The following CDH13 variants were observed in gnomAD, a reference collection of about 807,000 sequenced individuals.
The protein encoded by CDH13 is cadherin-13.
CDH13 carries 24 observed loss-of-function variants against 63.8 expected under a neutral mutation model. The observed-to-expected ratio is 0.38, with a 90% CI of 0.27 to 0.53. CDH13 has a LOEUF of 0.53. CDH13 is among the 20% of genes least tolerant of loss of function. The pLI is 0.85. For missense variants in CDH13, 1,049 were observed against 903.1 expected, an observed-to-expected ratio of 1.16 and a Z score of -2.07; for synonymous variants, 503 against 355.3, an observed-to-expected ratio of 1.42 and a Z score of -4.67.
chr16:83,064,136 C>T (rs148422319), intron 3 of CDH13, among the ~76,000 whole-genome samples: 116 of 152,134 alleles, frequency 7.6e-4, no homozygotes, highest in African/African-American at 2.4e-3. Context: ...TTTGGGAGGC[C>T]GAGGTGGGCA....
intron 1 of CDH13, among the ~76,000 whole-genome samples, chr16:82,647,414 T>A (rs749645272): frequency 6.6e-6 from 1 of 152,126 alleles, no homozygotes; most frequent in Non-Finnish European, 1.5e-5. Flanking sequence ...TAAATTCTCT[T>A]GGGAGGTGGT....
chr16:83,228,392 AG>A (rs1449511254), intron 5 of CDH13, among the ~76,000 whole-genome samples: 1 of 152,144 alleles, frequency 6.6e-6, no homozygotes, highest in African/African-American at 2.4e-5. Flanking sequence ...AGTATTCATC[AG>A]GTTTGGATAG....
chr16:83,167,087 T>C (rs1421044211), intron 4 of CDH13, among the ~76,000 whole-genome samples: 1 of 152,108 alleles, frequency 6.6e-6, no homozygotes, highest in Admixed American at 6.6e-5. Context: ...GGTGTTTTAA[T>C]AATTCCACGA....
intron 3 of CDH13, among the ~76,000 whole-genome samples, chr16:83,087,072 A>C (rs949470032): frequency 1.3e-5 from 2 of 152,224 alleles, no homozygotes; most frequent in African/African-American, 4.8e-5. Context: ...GCCATTGGTA[A>C]AATTTAACTT....
chr16:83,512,527 G>A (rs2074596616), intron 7 of CDH13, among the ~76,000 whole-genome samples: 1 of 150,516 alleles, frequency 6.6e-6, no homozygotes, highest in Non-Finnish European at 1.5e-5. Flanking sequence ...AATTAGCCAG[G>A]TGTGGTGGCA....
At chr16:82,947,047 T>TGA (rs1555546752) in intron 2 of CDH13, among the ~76,000 whole-genome samples, 2 of 125,034 alleles carry the variant, frequency 1.6e-5, no homozygotes, top group Non-Finnish European at 3.5e-5. Flanking sequence ...TGTGTGTGTG[T>TGA]GATGTTGTAA....
At chr16:83,516,942 G>A (rs562664533) in intron 7 of CDH13, among the ~76,000 whole-genome samples, 4 of 152,290 alleles carry the variant, frequency 2.6e-5, no homozygotes, top group African/African-American at 9.6e-5. Flanking sequence ...ATAAAGTGGC[G>A]GGAGTGAGAG....
At chr16:83,326,536 C>A (rs963416914) in intron 5 of CDH13, among the ~76,000 whole-genome samples, 1 of 151,602 alleles carries the variant, frequency 6.6e-6, no homozygotes, top group Non-Finnish European at 1.5e-5. Flanking sequence ...ATAGTTCAAC[C>A]GAACAAAATT....
At chr16:83,546,879 C>T (rs952562700) in intron 7 of CDH13, among the ~76,000 whole-genome samples, 2 of 152,224 alleles carry the variant, frequency 1.3e-5, no homozygotes, top group African/African-American at 4.8e-5. Context: ...AGTCTCTTTG[C>T]ATCTGGCACA....
chr16:83,482,871 G>A (rs35874652), intron 6 of CDH13, among the ~76,000 whole-genome samples: 15,286 of 152,238 alleles, frequency 0.1, 856 homozygotes, highest in Non-Finnish European at 0.13. Context: ...GCGACCCTTT[G>A]TCCCACATTC....
intron 10 of CDH13, among the ~76,000 whole-genome samples, chr16:83,713,437 G>A (rs1420089320): frequency 1.3e-5 from 2 of 151,992 alleles, no homozygotes. Flanking sequence ...GTTGGGGAGG[G>A]AGGGAGATTT....
intron 8 of CDH13, among the ~76,000 whole-genome samples, chr16:83,646,724 C>A (rs1295701572): frequency 7.0e-6 from 1 of 142,956 alleles, no homozygotes; most frequent in African/African-American, 2.6e-5. Flanking sequence ...CACACACACA[C>A]ACACACACAC....
chr16:82,956,582 C>T (rs925256234), intron 2 of CDH13, among the ~76,000 whole-genome samples: 3 of 152,128 alleles, frequency 2.0e-5, no homozygotes, highest in Non-Finnish European at 4.4e-5. Context: ...TCATTACCCC[C>T]GAGTTTAAGT....
rs148248844 is a variant in CDH13 at position 82,854,579 on chromosome 16, C to G, written c.46-3783C>G. Reference sequence around the variant, plus strand: ...GTGTTACATGAAACTCAAAGAGCCACAAAATAATTCACGTGTAAGCGAAGA... The same window carrying G: ...GTGTTACATGAAACTCAAAGAGCCAGAAAATAATTCACGTGTAAGCGAAGA... On this transcript the variant is annotated intron_variant, in intron 1 of 13. Coordinates refer to ENST00000567109, the MANE Select transcript of CDH13 (RefSeq NM_001257.5). 2.3e-4 allele frequency among the ~76,000 whole-genome samples: 35 copies of G among 152,270 alleles called. No individual in the cohort carries two copies. In the East Asian group the frequency reaches 6.6e-3, roughly 29 times the overall value.
intron 1 of CDH13, among the ~76,000 whole-genome samples, chr16:82,750,028 C>T (rs1050317769): frequency 6.6e-6 from 1 of 152,124 alleles, no homozygotes; most frequent in African/African-American, 2.4e-5. Flanking sequence ...TAAGAATCCC[C>T]CATAACCCTT....
intron 5 of CDH13, among the ~76,000 whole-genome samples, chr16:83,257,353 T>G (rs1170489797): frequency 6.6e-6 from 1 of 152,060 alleles, no homozygotes; most frequent in East Asian, 1.9e-4. Flanking sequence ...AATGACAGAA[T>G]AAGAAATTTA....
intron 10 of CDH13, among the ~76,000 whole-genome samples, chr16:83,708,330 G>C (rs563863388): frequency 6.6e-6 from 1 of 152,298 alleles, no homozygotes; most frequent in Admixed American, 6.5e-5. Flanking sequence ...CATTTGCTTG[G>C]GTTCAACCTC....
rs545581666 is a variant in CDH13 at position 82,928,380 on chromosome 16, A to G, written c.157+69907A>G. Reference sequence around the variant, plus strand: ...CATTGCATGTGGCATTGAATTATAGAAATGATACTGTTGAATTGAAGATAG... The same window carrying G: ...CATTGCATGTGGCATTGAATTATAGGAATGATACTGTTGAATTGAAGATAG... On this transcript the variant is annotated intron_variant, in intron 2 of 13. Transcript: ENST00000567109. Among the ~76,000 whole-genome samples the G allele has an allele frequency of 2.0e-5, 3 of 152,344 alleles. No homozygotes were observed. In the South Asian group the frequency reaches 6.2e-4, roughly 32 times the overall value.
At chr16:83,420,139 G>T (rs1389632754) in intron 6 of CDH13, among the ~76,000 whole-genome samples, 2 of 152,106 alleles carry the variant, frequency 1.3e-5, no homozygotes, top group Admixed American at 1.3e-4. Flanking sequence ...AGGACATAGA[G>T]CTAGGTTCCA....
Sources: gnomAD v4.1 joint callset for allele counts (sites outside exome capture counted in the v4.1 genomes callset) on GRCh38, gnomAD v4.1.1 for gene constraint, MANE v1.5 for transcripts, NCBI Gene and HGNC (gene_info 2026-07-23, HGNC 2026-07-21) for gene names.